Variants in TXNRD3 observed in about 807,000 individuals in gnomAD.
The protein encoded by TXNRD3 is thioredoxin reductase 3.
TXNRD3 carries 68 observed loss-of-function variants against 78.2 expected under a neutral mutation model. The ratio of observed to expected loss-of-function variants is 0.87; its 90% CI spans 0.72 to 1.06. TXNRD3 has a LOEUF of 1.06. Ranked by LOEUF, TXNRD3 falls within the 50% of genes least tolerant of loss-of-function variation. The pLI, the probability that TXNRD3 is intolerant of heterozygous loss-of-function variation, is 0.00. For missense variants in TXNRD3, 751 were observed against 809.5 expected, an observed-to-expected ratio of 0.93 and a Z score of 0.88; for synonymous variants, 296 against 300.1, an observed-to-expected ratio of 0.99 and a Z score of 0.14.
At chr3:126,650,755 T>A (rs1023868566) in intron 1 of TXNRD3, among the ~76,000 whole-genome samples, 16 of 152,236 alleles carry the variant, frequency 1.1e-4, no homozygotes, top group African/African-American at 3.6e-4. Flanking sequence ...ACTATTTTCC[T>A]TTTATCGTTA....
chr3:126,615,918 G>A (rs967636909), intron 12 of TXNRD3, among the ~76,000 whole-genome samples: 20 of 152,164 alleles, frequency 1.3e-4, no homozygotes, highest in Non-Finnish European at 2.2e-4. Flanking sequence ...TGAGAGGTGA[G>A]GCAAATATGC....
In TXNRD3 at chr3:126,632,704, C is replaced by CA. The variant is rs371280360; in HGVS notation, c.856-826dup. Among the ~76,000 whole-genome samples, 462 of 147,994 alleles carry CA rather than the reference C, an allele frequency of 3.1e-3. 3 individuals carry two copies. The highest frequency in any genetic ancestry group is 0.011 in the African/African-American group (435 of 40,332). ...AGAAGCAACAACAAAAAAGAAACAA[C>CA]AAAAAAAGAAAAAAACCATTCACAT... On this transcript the variant is annotated intron_variant, in intron 7 of 15. Transcript: ENST00000524230.
chr3:126,609,920 G>A (rs535480063), intron 14 of TXNRD3, among the ~76,000 whole-genome samples: 4 of 152,182 alleles, frequency 2.6e-5, no homozygotes, highest in East Asian at 3.9e-4. Flanking sequence ...TGGAAAGGCC[G>A]CCCACAACTG....
chr3:126,618,063 A>C (rs1028947473), intron 12 of TXNRD3, among the ~76,000 whole-genome samples: 2 of 152,204 alleles, frequency 1.3e-5, no homozygotes, highest in African/African-American at 4.8e-5. Flanking sequence ...TGGTGAAAGA[A>C]ACTGAAGAAG....
At chr3:126,623,231 C>T (rs1938497886) in intron 10 of TXNRD3, among the ~76,000 whole-genome samples, 1 of 152,134 alleles carries the variant, frequency 6.6e-6, no homozygotes, top group African/African-American at 2.4e-5. Flanking sequence ...AAATTAATTC[C>T]AGACCCAGAC....
chr3:126,647,280 G>C lies in TXNRD3; in HGVS notation c.260C>G (p.Ser87Cys). The C allele has an allele frequency of 6.5e-7, 1 of 1,535,392 alleles. No homozygotes were observed. Among genetic ancestry groups the C allele is most frequent in the South Asian group, 1.2e-5 (1 of 83,948 alleles). The stretch of plus-strand genomic sequence containing the variant: ...GACATTACATTCGACTCCCAAAGAA[G>C]AAAAGAGTTCTTTCACCTGTAAAAA... The change falls in exon 2 of 16, where the codon TCT (serine) becomes TGT (cysteine). Residue 87 changes from serine (S) to cysteine (C), a missense_variant. Ser to Cys is a moderately radical substitution (Grantham distance 112, BLOSUM62 -1). Transcript: ENST00000524230.
chr3:126,655,043 G>T lies in TXNRD3; in HGVS notation c.-53C>A. ...GGGCCTGCTCACAAACCGAAACGCA[G>T]GCGGCTGCGGCGCCGGGACGGGGCC... is the stretch of plus-strand genomic sequence containing the variant. On this transcript the variant is annotated 5_prime_UTR_variant, in exon 1 of 16. The change creates a new upstream start codon in the 5' untranslated region. Transcript: ENST00000524230. The T allele has an allele frequency of 7.8e-7, 1 of 1,289,462 alleles. No individual in the cohort carries two copies. Among genetic ancestry groups the T allele is most frequent in the Non-Finnish European group, 9.8e-7 (1 of 1,019,504 alleles). 79.9% of individuals were successfully genotyped at this position (1,289,462 alleles called of 1,614,324 possible). A position where few individuals can be genotyped will look rare whatever the true frequency, so the allele number is the denominator to read the frequency against.
chr3:126,622,216 G>A (rs1232410097), intron 11 of TXNRD3, among the ~76,000 whole-genome samples: 3 of 152,158 alleles, frequency 2.0e-5, no homozygotes, highest in East Asian at 3.8e-4. Flanking sequence ...CTAAGTCACA[G>A]ACATTAGGTA....
chr3:126,622,269 A>G (rs1416079364), intron 11 of TXNRD3, among the ~76,000 whole-genome samples, 195 bp downstream of exon 11: 1 of 152,248 alleles, frequency 6.6e-6, no homozygotes, highest in Non-Finnish European at 1.5e-5. Flanking sequence ...TGTTTAATAT[A>G]TGAGCTTTTT....
intron 1 of TXNRD3, among the ~76,000 whole-genome samples, chr3:126,650,331 A>G (rs557299587): frequency 6.6e-6 from 1 of 152,286 alleles, no homozygotes; most frequent in East Asian, 1.9e-4. Flanking sequence ...TTAAGTCCAC[A>G]CTTATTAGCA....
chr3:126,623,138 G>A (rs1938496448), intron 10 of TXNRD3, among the ~76,000 whole-genome samples: 1 of 152,134 alleles, frequency 6.6e-6, no homozygotes, highest in Non-Finnish European at 1.5e-5. Flanking sequence ...CACAGTCTGC[G>A]GTATTTTGCT....
rs200395466 is a variant in TXNRD3 at position 126,628,071 on chromosome 3, G to GA, written c.1290+1307dup. 3.5e-3 allele frequency among the ~76,000 whole-genome samples: 527 copies of GA among 152,156 alleles called. 4 individuals carry two copies. The highest frequency in any genetic ancestry group is 8.7e-3 in the Admixed American group (133 of 15,286). Reference sequence around the variant, plus strand: ...CAATTCAACAAATTAACAGATTAAAGAAAAAATTCATCATCCACAGCTGCA... The same window carrying GA: ...CAATTCAACAAATTAACAGATTAAAGAAAAAAATTCATCATCCACAGCTGCA... On this transcript the variant is annotated intron_variant, in intron 10 of 15. Coordinates refer to ENST00000524230, the MANE Select transcript of TXNRD3 (RefSeq NM_052883.3).
At chr3:126,622,027 A>G in intron 11 of TXNRD3, 129 bp from the exon 12 acceptor site, 1 of 688,856 alleles carries the variant, frequency 1.5e-6, no homozygotes, top group Non-Finnish European at 2.2e-6. Flanking sequence ...CAGGATATCA[A>G]TTATATATAA....
At chr3:126,640,895 C>A (rs946286140) in intron 6 of TXNRD3, among the ~76,000 whole-genome samples, 11 of 149,612 alleles carry the variant, frequency 7.4e-5, no homozygotes, top group African/African-American at 2.7e-4. Context: ...CTCCGACAAA[C>A]AGAGGTGGGG....
chr3:126,617,278 C>T (rs553427353), intron 12 of TXNRD3, among the ~76,000 whole-genome samples: 8 of 152,044 alleles, frequency 5.3e-5, no homozygotes, highest in Non-Finnish European at 1.0e-4. Context: ...TATTCTAATC[C>T]CTCCTCCCCA....
chr3:126,633,066 C>T (rs1938760796), intron 7 of TXNRD3, among the ~76,000 whole-genome samples: 1 of 152,100 alleles, frequency 6.6e-6, no homozygotes, highest in African/African-American at 2.4e-5. Flanking sequence ...TGACTTTATC[C>T]TATTATATTT....
At chr3:126,617,858 G>T in intron 12 of TXNRD3, among the ~76,000 whole-genome samples, 1 of 152,086 alleles carries the variant, frequency 6.6e-6, no homozygotes, top group East Asian at 1.9e-4. Context: ...TCTTAGAACT[G>T]ATAAATTCAA....
intron 1 of TXNRD3, among the ~76,000 whole-genome samples, chr3:126,651,418 G>C (rs1296820856): frequency 1.3e-5 from 2 of 152,152 alleles, no homozygotes; most frequent in African/African-American, 2.4e-5. Context: ...TATGTCATGG[G>C]ACTCAAAATG....
At chr3:126,624,034 T>G (rs1938517428) in intron 10 of TXNRD3, among the ~76,000 whole-genome samples, 1 of 152,096 alleles carries the variant, frequency 6.6e-6, no homozygotes, top group South Asian at 2.1e-4. Flanking sequence ...ACATGAAGTA[T>G]GTTTAGCAAA....
Sources: gnomAD v4.1 joint callset for allele counts (sites outside exome capture counted in the v4.1 genomes callset) on GRCh38, gnomAD v4.1.1 for gene constraint, MANE v1.5 for transcripts, NCBI Gene and HGNC (gene_info 2026-07-23, HGNC 2026-07-21) for gene names.